The following EFL1 variants were observed in gnomAD, a reference collection of about 807,000 sequenced individuals.
EFL1 encodes the protein elongation factor like GTPase 1.
In EFL1, 76 loss-of-function variants were observed where a neutral mutation model predicts 126.7. That is an observed-to-expected ratio of 0.60 (90% CI 0.50 to 0.73). The LOEUF is 0.73. Ranked by LOEUF, EFL1 falls within the 30% of genes least tolerant of loss-of-function variation. EFL1 has a pLI of 0.00. For synonymous variants in EFL1, 410 were observed against 448.4 expected (o/e 0.91, Z 1.08); for missense variants, 1,128 against 1,343.2 (o/e 0.84, Z 2.50).
intron 15 of EFL1, among the ~76,000 whole-genome samples, chr15:82,211,126 G>A (rs2074579605): frequency 6.6e-6 from 1 of 151,666 alleles, no homozygotes; most frequent in Non-Finnish European, 1.5e-5. Flanking sequence ...GACATTCCTG[G>A]TCTCAGTCAA....
At chr15:82,232,843 T>C (rs891046787) in intron 7 of EFL1, among the ~76,000 whole-genome samples, 1 of 152,164 alleles carries the variant, frequency 6.6e-6, no homozygotes, top group African/African-American at 2.4e-5. Context: ...ATTGGTATAA[T>C]CATTTATTGG....
rs201323175 is a variant in EFL1 at position 82,151,962 on chromosome 15, C to A, written c.2492G>T (p.Cys831Phe). 1 of 1,614,126 alleles carries A rather than the reference C, an allele frequency of 6.2e-7. No homozygotes were observed. The highest frequency in any genetic ancestry group is 2.2e-5 in the East Asian group (1 of 44,874). Reference sequence around the variant, plus strand: ...TTTATTGACTAGTATGTTGGGCCCACATTTTCTTGGGCCAAATGACCAGAT... The same window carrying A: ...TTTATTGACTAGTATGTTGGGCCCAAATTTTCTTGGGCCAAATGACCAGAT... ...DQIWSFGPRKCGPNILVNKSE... is the reference protein window; with the variant it reads ...DQIWSFGPRKFGPNILVNKSE... The change falls in exon 18 of 20, where the codon TGT (cysteine) becomes TTT (phenylalanine). Residue 831 changes from cysteine (C) to phenylalanine (F), a missense_variant. Around this residue, in one of 6 missense-constraint regions of EFL1, gnomAD observed 561 missense variants for 641.7 expected, o/e 0.87. Transcript: ENST00000268206.
intron 18 of EFL1, among the ~76,000 whole-genome samples, chr15:82,142,741 C>G (rs981047499): frequency 1.3e-5 from 2 of 152,210 alleles, no homozygotes; most frequent in African/African-American, 4.8e-5. Context: ...GGCACAGCCT[C>G]TCCAAGCCAA....
At chr15:82,137,645 T>C (rs1439493734) in intron 19 of EFL1, among the ~76,000 whole-genome samples, 1 of 152,224 alleles carries the variant, frequency 6.6e-6, no homozygotes, top group African/African-American at 2.4e-5. Flanking sequence ...GTTCTTCCAT[T>C]ACCTTACAAG....
At chr15:82,204,556 A>G in intron 15 of EFL1, among the ~76,000 whole-genome samples, 1 of 152,206 alleles carries the variant, frequency 6.6e-6, no homozygotes, top group East Asian at 1.9e-4. Flanking sequence ...TATCAACCAA[A>G]AGACTATTGT....
At chr15:82,190,266 T>TAA (rs975558327) in intron 15 of EFL1, among the ~76,000 whole-genome samples, 1 of 152,232 alleles carries the variant, frequency 6.6e-6, no homozygotes, top group African/African-American at 2.4e-5. Flanking sequence ...TAATTTCCAC[T>TAA]AACTTTTTCT....
intron 4 of EFL1, among the ~76,000 whole-genome samples, chr15:82,247,100 G>A (rs546133347): frequency 4.6e-5 from 7 of 152,256 alleles, no homozygotes; most frequent in Admixed American, 3.9e-4. Flanking sequence ...AGCAGGAAAT[G>A]AATGAAGAAA....
At chr15:82,210,367 C>A (rs1321307237) in intron 15 of EFL1, among the ~76,000 whole-genome samples, 1 of 152,152 alleles carries the variant, frequency 6.6e-6, no homozygotes, top group Admixed American at 6.5e-5. Context: ...AGGTGATATA[C>A]CTTCCTCCTG....
At chr15:82,248,437 T>C (rs947177580) in intron 4 of EFL1, among the ~76,000 whole-genome samples, 1 of 152,138 alleles carries the variant, frequency 6.6e-6, no homozygotes, top group Non-Finnish European at 1.5e-5. Context: ...TGTAATTAGA[T>C]GGCATGAGTC....
intron 7 of EFL1, among the ~76,000 whole-genome samples, chr15:82,236,846 C>T (rs2074877503): frequency 6.6e-6 from 1 of 152,162 alleles, no homozygotes; most frequent in Non-Finnish European, 1.5e-5. Context: ...AAATTAAAAA[C>T]TTTGCGGACT....
chr15:82,236,365 T>C (rs1035908848), intron 7 of EFL1, among the ~76,000 whole-genome samples: 4 of 152,232 alleles, frequency 2.6e-5, no homozygotes, highest in Admixed American at 2.6e-4. Flanking sequence ...GCAAAAGAAA[T>C]TTTGAAAATT....
chr15:82,262,500 C>G, intron 1 of EFL1, 114 bp downstream of exon 1: 1 of 196,678 alleles, frequency 5.1e-6, no homozygotes, highest in Non-Finnish European at 1.0e-5. Context: ...GCTCCCAGCC[C>G]GCGCTCGGCC....
chr15:82,218,565 A>G lies in EFL1; in HGVS notation c.1611+1087T>C, dbSNP rs1412848487. 2.0e-5 allele frequency among the ~76,000 whole-genome samples: 3 copies of G among 152,348 alleles called. No homozygotes were observed. In the South Asian group the frequency reaches 6.2e-4, roughly 32 times the overall value. ...ACCTTCACAAAAAAGGAAAAAATTA[A>G]CTGATACTTGACCCTTACTGATAAA... On this transcript the variant is annotated intron_variant, in intron 14 of 19. Coordinates refer to ENST00000268206, the MANE Select transcript of EFL1 (RefSeq NM_024580.6).
At chr15:82,175,283 A>G (rs144794180) in intron 15 of EFL1, among the ~76,000 whole-genome samples, 16 of 152,310 alleles carry the variant, frequency 1.1e-4, no homozygotes, top group African/African-American at 3.4e-4. Flanking sequence ...TTGAAGTAAC[A>G]ATATTAGGCA....
intron 18 of EFL1, among the ~76,000 whole-genome samples, chr15:82,150,574 G>A (rs889437205): frequency 2.0e-5 from 3 of 152,056 alleles, no homozygotes; most frequent in African/African-American, 7.2e-5. Flanking sequence ...AAGAAACTAA[G>A]TCTCAGTGAA....
chr15:82,239,135 C>T, intron 6 of EFL1, among the ~76,000 whole-genome samples: 1 of 152,010 alleles, frequency 6.6e-6, no homozygotes, highest in Non-Finnish European at 1.5e-5. Context: ...TTACCTGTTC[C>T]TAATTTTTTT....
intron 18 of EFL1, among the ~76,000 whole-genome samples, chr15:82,149,630 G>A (rs2073886611): frequency 6.6e-6 from 1 of 152,114 alleles, no homozygotes; most frequent in East Asian, 1.9e-4. Context: ...CAACTGAAAT[G>A]GTGAAAGGAT....
chr15:82,240,927 G>A (rs145196057), intron 5 of EFL1, among the ~76,000 whole-genome samples: 10,555 of 152,212 alleles, frequency 0.069, 578 homozygotes, highest in African/African-American at 0.13. Context: ...GCACATGCCT[G>A]TAATCCCAGT....
chr15:82,175,939 AG>A (rs2074190580), intron 15 of EFL1, among the ~76,000 whole-genome samples: 1 of 152,254 alleles, frequency 6.6e-6, no homozygotes, highest in South Asian at 2.1e-4. Flanking sequence ...GCTAGTATTG[AG>A]ATTACAAGTA....
Sources: gnomAD v4.1 joint callset for allele counts (sites outside exome capture counted in the v4.1 genomes callset) on GRCh38, gnomAD v4.1.1 for gene constraint, gnomAD v4.1.1 regional missense constraint, MANE v1.5 for transcripts, NCBI Gene and HGNC (gene_info 2026-07-23, HGNC 2026-07-21) for gene names.